The following MAGI2 variants were observed in gnomAD, a reference collection of about 807,000 sequenced individuals.
MAGI2 encodes the protein membrane-associated guanylate kinase, WW and PDZ domain-containing protein 2.
MAGI2 carries 35 observed loss-of-function variants against 133.3 expected under a neutral mutation model. That is an observed-to-expected ratio of 0.26 (90% CI 0.20 to 0.35). The LOEUF (loss-of-function observed/expected upper bound fraction) is 0.35. Ranked by LOEUF, MAGI2 falls within the 10% of genes least tolerant of loss-of-function variation. The pLI is 1.00. For missense variants in MAGI2, 1,636 were observed against 1,863.4 expected, an observed-to-expected ratio of 0.88 and a Z score of 2.25; for synonymous variants, 729 against 710.6, an observed-to-expected ratio of 1.03 and a Z score of -0.41.
At chr7:78,091,587 G>T (rs1355716142) in intron 20 of MAGI2, among the ~76,000 whole-genome samples, 1 of 152,156 alleles carries the variant, frequency 6.6e-6, no homozygotes, top group Non-Finnish European at 1.5e-5. Flanking sequence ...CCTTACTTAA[G>T]GTGATGACAC....
chr7:79,196,955 T>TAG (rs370777278), intron 1 of MAGI2, among the ~76,000 whole-genome samples: 4 of 151,120 alleles, frequency 2.6e-5, no homozygotes, highest in South Asian at 2.1e-4. Context: ...TTTATATATA[T>TAG]AGAGAGAGAG....
intron 17 of MAGI2, among the ~76,000 whole-genome samples, chr7:78,133,471 G>T (rs1821778557): frequency 6.6e-6 from 1 of 152,102 alleles, no homozygotes. Flanking sequence ...TGTGGATAAG[G>T]AATGAACCAT....
intron 6 of MAGI2, among the ~76,000 whole-genome samples, chr7:78,478,098 G>A (rs537007692): frequency 4.6e-5 from 7 of 151,394 alleles, no homozygotes; most frequent in African/African-American, 9.7e-5. Context: ...AACAGGCCCC[G>A]GTGTGTGATG....
chr7:78,870,744 C>A (rs1794964933), intron 2 of MAGI2, among the ~76,000 whole-genome samples: 1 of 152,138 alleles, frequency 6.6e-6, no homozygotes, highest in African/African-American at 2.4e-5. Context: ...AAGACACTTG[C>A]ACAATCATGT....
chr7:79,383,948 T>C (rs935471556), intron 1 of MAGI2, among the ~76,000 whole-genome samples: 1 of 151,398 alleles, frequency 6.6e-6, no homozygotes, highest in Non-Finnish European at 1.5e-5. Flanking sequence ...AATTTAAAAA[T>C]TAATAAATGT....
chr7:79,446,148 A>C (rs1163485433), intron 1 of MAGI2, among the ~76,000 whole-genome samples: 1 of 152,156 alleles, frequency 6.6e-6, no homozygotes, highest in African/African-American at 2.4e-5. Context: ...GGGGAACATC[A>C]CACACCTGGG....
intron 6 of MAGI2, among the ~76,000 whole-genome samples, chr7:78,432,382 A>G (rs1474528448): frequency 1.3e-5 from 2 of 152,054 alleles, no homozygotes; most frequent in African/African-American, 4.8e-5. Context: ...TGTAGTTCTA[A>G]CCGTGCTTAG....
chr7:79,434,463 G>A (rs537229418), intron 1 of MAGI2, among the ~76,000 whole-genome samples: 142 of 152,246 alleles, frequency 9.3e-4, no homozygotes, highest in African/African-American at 3.2e-3. Flanking sequence ...GATGAGTTAT[G>A]AGCAAAAATG....
chr7:78,442,814 G>A (rs556267187), intron 6 of MAGI2, among the ~76,000 whole-genome samples: 2 of 152,250 alleles, frequency 1.3e-5, no homozygotes, highest in Non-Finnish European at 1.5e-5. Context: ...GGTATTCACT[G>A]TTTTTGAAAA....
chr7:78,696,805 C>A (rs936429589), intron 2 of MAGI2, among the ~76,000 whole-genome samples: 1 of 152,248 alleles, frequency 6.6e-6, no homozygotes, highest in South Asian at 2.1e-4. Flanking sequence ...TTGATGCTCT[C>A]ATTACTTCAT....
At chr7:79,213,236 GTGTATATATGTGGGTGTGTA>G (rs879335692) in intron 1 of MAGI2, among the ~76,000 whole-genome samples, 3,890 of 148,052 alleles carry the variant, frequency 0.026, 83 homozygotes, top group East Asian at 0.04. Flanking sequence ...GTGTGTGTGT[GTGTATATATGTGGGTGTGTA>G]TATATATATG....
chr7:78,321,099 A>G (rs1382741019), intron 9 of MAGI2, among the ~76,000 whole-genome samples: 4 of 152,220 alleles, frequency 2.6e-5, no homozygotes, highest in African/African-American at 9.6e-5. Flanking sequence ...ACTACAAACC[A>G]CTGCTCAAGG....
intron 2 of MAGI2, among the ~76,000 whole-genome samples, chr7:78,685,623 C>T (rs1816205205): frequency 6.7e-6 from 1 of 148,158 alleles, no homozygotes; most frequent in Non-Finnish European, 1.5e-5. Flanking sequence ...AACTGAAAGT[C>T]ATTATATATA....
At chr7:78,293,598 G>A (rs1796939391) in intron 9 of MAGI2, among the ~76,000 whole-genome samples, 1 of 152,174 alleles carries the variant, frequency 6.6e-6, no homozygotes, top group Non-Finnish European at 1.5e-5. Context: ...TATACCCAAA[G>A]GATTATAAGT....
intron 2 of MAGI2, among the ~76,000 whole-genome samples, chr7:78,657,322 G>T (rs1812411650): frequency 6.6e-6 from 1 of 152,116 alleles, no homozygotes; most frequent in African/African-American, 2.4e-5. Context: ...TACACTCCTT[G>T]ATATTTATCC....
intron 16 of MAGI2, among the ~76,000 whole-genome samples, chr7:78,157,260 CAT>C (rs1824489589): frequency 6.6e-6 from 1 of 152,072 alleles, no homozygotes. Context: ...AAGAAATAAA[CAT>C]GTGAAGAAAA....
chr7:78,323,541 A>G (rs996918061), intron 9 of MAGI2, among the ~76,000 whole-genome samples: 8 of 152,164 alleles, frequency 5.3e-5, no homozygotes, highest in African/African-American at 1.7e-4. Flanking sequence ...AGCCTCAGAG[A>G]CCAGCCCTGG....
chr7:79,227,110 C>G (rs1830926945), intron 1 of MAGI2, among the ~76,000 whole-genome samples: 1 of 152,178 alleles, frequency 6.6e-6, no homozygotes, highest in Non-Finnish European at 1.5e-5. Flanking sequence ...CAAATGCAAG[C>G]TGGCTGCTAA....
chr7:78,700,327 G>A (rs1156693709), intron 2 of MAGI2, among the ~76,000 whole-genome samples: 1 of 152,080 alleles, frequency 6.6e-6, no homozygotes, highest in South Asian at 2.1e-4. Flanking sequence ...TTTGTGAAAA[G>A]CATGGTCAGT....
Sources: gnomAD v4.1 joint callset for allele counts (sites outside exome capture counted in the v4.1 genomes callset) on GRCh38, gnomAD v4.1.1 for gene constraint, MANE v1.5 for transcripts, NCBI Gene and HGNC (gene_info 2026-07-23, HGNC 2026-07-21) for gene names.